ATF7IP: variants seen among roughly 807,000 people sequenced by gnomAD.
ATF7IP encodes activating transcription factor 7-interacting protein 1.
A neutral mutation model predicts 106.4 loss-of-function variants in ATF7IP; 23 were observed. The ratio of observed to expected loss-of-function variants is 0.22; its 90% CI spans 0.16 to 0.31. ATF7IP has a LOEUF of 0.31. ATF7IP is among the 10% of genes least tolerant of loss of function. The pLI is 1.00. For missense variants in ATF7IP, 1,334 were observed against 1,524.3 expected (o/e 0.88, Z 2.08); for synonymous variants, 542 against 539.0 (o/e 1.01, Z -0.08).
intron 1 of ATF7IP, among the ~76,000 whole-genome samples, chr12:14,388,252 G>T (rs1250301876): frequency 6.6e-6 from 1 of 151,704 alleles, no homozygotes; most frequent in Non-Finnish European, 1.5e-5. Context: ...GTTTCTTCCT[G>T]TTGGTTAGGC....
chr12:14,427,731 A>T (rs1459842994), intron 2 of ATF7IP, among the ~76,000 whole-genome samples: 1 of 151,646 alleles, frequency 6.6e-6, no homozygotes, highest in Non-Finnish European at 1.5e-5. Context: ...AACCATTTTT[A>T]TTTTTTCTTT....
intron 1 of ATF7IP, among the ~76,000 whole-genome samples, chr12:14,386,412 G>A (rs928977551): frequency 2.0e-5 from 3 of 151,960 alleles, no homozygotes; most frequent in African/African-American, 4.8e-5. Context: ...TTTTTTAGCT[G>A]GTATAATATA....
At chr12:14,410,554 G>A (rs1387658532) in intron 1 of ATF7IP, among the ~76,000 whole-genome samples, 2 of 152,140 alleles carry the variant, frequency 1.3e-5, no homozygotes, top group African/African-American at 4.8e-5. Context: ...AAGCTGTAAA[G>A]TGCTTCCTTT....
chr12:14,447,480 C>T (rs948980418), intron 6 of ATF7IP, among the ~76,000 whole-genome samples: 18 of 152,076 alleles, frequency 1.2e-4, no homozygotes, highest in Middle Eastern at 3.4e-3. Context: ...CGGGGTTTCA[C>T]CATGTTGGCC....
Position 14,425,318 on chromosome 12 carries a change from A to T in ATF7IP, c.1403A>T (p.Glu468Val). Reference protein sequence around the residue: ...LPIDETNPDLEEKMESSFGSP... With the variant: ...LPIDETNPDLVEKMESSFGSP... The stretch of plus-strand genomic sequence containing the variant: ...ATCGATGAGACAAATCCAGATTTGG[A>T]AGAGAAAATGGAAAGTTCTTTTGGT... The change falls in exon 2 of 15, where the codon GAA (glutamate) becomes GTA (valine). Residue 468 changes from glutamate (E) to valine (V), a missense_variant. Physicochemically the swap from Glu to Val is moderately radical, Grantham distance 121 (BLOSUM62 -2). Coordinates refer to ENST00000261168, the MANE Select transcript of ATF7IP (RefSeq NM_018179.5). 1 of 1,608,834 alleles carries T rather than the reference A, an allele frequency of 6.2e-7. No homozygotes were observed. Among genetic ancestry groups the T allele is most frequent in the Non-Finnish European group, 8.5e-7 (1 of 1,178,728 alleles).
At chr12:14,450,997 A>T (rs1943181256) in intron 6 of ATF7IP, among the ~76,000 whole-genome samples, 1 of 150,006 alleles carries the variant, frequency 6.7e-6, no homozygotes. Context: ...GTGGTCTTGA[A>T]CTCCTGACCT....
At chr12:14,388,374 T>G in intron 1 of ATF7IP, among the ~76,000 whole-genome samples, 1 of 146,480 alleles carries the variant, frequency 6.8e-6, no homozygotes, top group African/African-American at 2.6e-5. Context: ...CAAGACGGAG[T>G]CTCACTCTGT....
At chr12:14,488,263 A>G (rs1944692861) in intron 13 of ATF7IP, among the ~76,000 whole-genome samples, 1 of 152,216 alleles carries the variant, frequency 6.6e-6, no homozygotes, top group African/African-American at 2.4e-5. Context: ...TATCTATAGT[A>G]TAAAGAGTAG....
At chr12:14,473,288 C>CTGTGTGTGTGTGTG (rs796814505) in intron 10 of ATF7IP, among the ~76,000 whole-genome samples, 4 of 140,432 alleles carry the variant, frequency 2.8e-5, no homozygotes, top group African/African-American at 5.2e-5. Flanking sequence ...CTCTCTCTCT[C>CTGTGTGTGTGTGTG]TCTGTGTGTG....
intron 1 of ATF7IP, chr12:14,419,451 G>C (rs1247087685): frequency 1.3e-5 from 2 of 152,132 alleles, no homozygotes; most frequent in African/African-American, 4.8e-5. Context: ...ACTACCAGCT[G>C]TCCATCTAAT....
intron 9 of ATF7IP, among the ~76,000 whole-genome samples, chr12:14,463,649 G>A (rs1943720203): frequency 6.6e-6 from 1 of 152,054 alleles, no homozygotes; most frequent in Non-Finnish European, 1.5e-5. Context: ...TTTTGTAGGG[G>A]GTAATGTGAC....
Position 14,498,125 on chromosome 12 carries a change from GT to G in ATF7IP, c.*57del. 6.7e-7 allele frequency: 1 copy of G among 1,497,792 alleles called. No individual in the cohort carries two copies. 92.8% of individuals were successfully genotyped at this position (1,497,792 alleles called of 1,614,324 possible). Reference sequence around the variant, plus strand: ...TTTAAAATTTCCACCTTTTGGTCTTGTTTTTAATCTTGTGCATGATACCCCA... The same window carrying G: ...TTTAAAATTTCCACCTTTTGGTCTTGTTTTAATCTTGTGCATGATACCCCA... On this transcript the variant is annotated 3_prime_UTR_variant, in exon 15 of 15. Coordinates refer to ENST00000261168, the MANE Select transcript of ATF7IP (RefSeq NM_018179.5).
chr12:14,462,545 C>T lies in ATF7IP; in HGVS notation c.2797+1412C>T, dbSNP rs182079109. Among the ~76,000 whole-genome samples, 110 of 152,046 alleles carry T rather than the reference C, an allele frequency of 7.2e-4. 1 individual carries two copies. The Middle Eastern group carries it at 0.01, about 14-fold the overall frequency. ...AAATAGAGAACTTTTCCTGAAAAAC[C>T]ATGGCTTGAAATATTTTAAGAGTAT... is the stretch of plus-strand genomic sequence containing the variant. On this transcript the variant is annotated intron_variant, in intron 9 of 14. Transcript: ENST00000261168.
intron 1 of ATF7IP, among the ~76,000 whole-genome samples, chr12:14,382,326 G>T (rs1397851610): frequency 6.6e-6 from 1 of 152,188 alleles, no homozygotes; most frequent in Non-Finnish European, 1.5e-5. Context: ...GTAAATAAAC[G>T]ATTGGTCTCA....
chr12:14,367,043 G>C (rs983510553), intron 1 of ATF7IP, among the ~76,000 whole-genome samples: 2 of 152,110 alleles, frequency 1.3e-5, no homozygotes, highest in Non-Finnish European at 2.9e-5. Flanking sequence ...AGTTATATAA[G>C]ATTTGATATG....
At chr12:14,458,095 C>CA (rs34626490) in intron 8 of ATF7IP, among the ~76,000 whole-genome samples, 82 of 141,328 alleles carry the variant, frequency 5.8e-4, no homozygotes, top group East Asian at 2.8e-3. Flanking sequence ...GACTTCCTCT[C>CA]AAAAAAAAAA....
intron 13 of ATF7IP, among the ~76,000 whole-genome samples, chr12:14,495,414 T>C (rs979772994): frequency 6.6e-6 from 1 of 152,238 alleles, no homozygotes; most frequent in Non-Finnish European, 1.5e-5. Flanking sequence ...CCCTGGATCA[T>C]AGCTTGGCTT....
At chr12:14,491,611 A>C (rs1385807669) in intron 13 of ATF7IP, among the ~76,000 whole-genome samples, 1 of 152,252 alleles carries the variant, frequency 6.6e-6, no homozygotes, top group Admixed American at 6.5e-5. Context: ...AGATTATGAC[A>C]CAAAGCTGGA....
At chr12:14,412,123 T>C (rs1940954491) in intron 1 of ATF7IP, among the ~76,000 whole-genome samples, 1 of 152,194 alleles carries the variant, frequency 6.6e-6, no homozygotes, top group Non-Finnish European at 1.5e-5. Flanking sequence ...TGTTCCAAAA[T>C]ATATCCTAAG....
Sources: allele counts gnomAD v4.1 joint callset (sites outside exome capture counted in the v4.1 genomes callset), GRCh38; gene constraint gnomAD v4.1.1; transcripts MANE v1.5; gene names NCBI Gene and HGNC (gene_info 2026-07-23, HGNC 2026-07-21).